Variants in DCC observed in about 807,000 individuals in gnomAD.
DCC encodes the protein netrin receptor DCC.
DCC carries 58 observed loss-of-function variants against 172.5 expected under a neutral mutation model. The ratio of observed to expected loss-of-function variants is 0.34; its 90% CI spans 0.27 to 0.42. The LOEUF (loss-of-function observed/expected upper bound fraction) is 0.42, where lower values mean the gene tolerates loss of function less well. Among genes scored for constraint, DCC ranks in the 10% least tolerant of loss-of-function variants. The pLI is 1.00. For missense variants in DCC, 1,740 were observed against 1,791.0 expected (o/e 0.97, Z 0.51); for synonymous variants, 709 against 644.5 (o/e 1.10, Z -1.52).
At chr18:52,531,361 G>T (rs1217531683) in intron 1 of DCC, among the ~76,000 whole-genome samples, 1 of 152,178 alleles carries the variant, frequency 6.6e-6, no homozygotes. Flanking sequence ...GACTGGAAAA[G>T]GCTGAAGTTC....
At chr18:52,610,382 C>CAAAAAAAAAAAAAA (rs55715009) in intron 1 of DCC, among the ~76,000 whole-genome samples, 18 of 49,966 alleles carry the variant, frequency 3.6e-4, no homozygotes, top group Admixed American at 7.6e-4. Context: ...TCTGTCTCAA[C>CAAAAAAAAAAAAAA]AAAAAAAAAA....
chr18:53,484,255 C>G (rs976317380), intron 25 of DCC, among the ~76,000 whole-genome samples: 2 of 151,878 alleles, frequency 1.3e-5, no homozygotes, highest in African/African-American at 4.8e-5. Context: ...AAGTTATTTA[C>G]TTTCTTGTTT....
intron 7 of DCC, among the ~76,000 whole-genome samples, chr18:53,135,109 G>A (rs1364585765): frequency 1.3e-5 from 2 of 152,078 alleles, no homozygotes; most frequent in Non-Finnish European, 2.9e-5. Flanking sequence ...GATTTTCCAA[G>A]TCTCACTATT....
intron 12 of DCC, among the ~76,000 whole-genome samples, chr18:53,304,211 G>A (rs868392226): frequency 4.6e-5 from 7 of 152,138 alleles, no homozygotes; most frequent in Non-Finnish European, 7.3e-5. Context: ...TGTGAAAACA[G>A]GAATGACTGT....
Position 53,044,454 on chromosome 18 carries a change from T to C in DCC, c.986-18851T>C, listed in dbSNP as rs1033021019. Reference sequence around the variant, plus strand: ...TTGCTGCTGATATATATGAACTGTGTGATGCCGTAGAAATAAGCCATTTAC... The same window carrying C: ...TTGCTGCTGATATATATGAACTGTGCGATGCCGTAGAAATAAGCCATTTAC... On this transcript the variant is annotated intron_variant, in intron 5 of 28. Transcript: ENST00000442544. Among the ~76,000 whole-genome samples the C allele has an allele frequency of 4.0e-5, 6 of 151,892 alleles. No homozygotes were observed. In the East Asian group the frequency reaches 1.2e-3, roughly 30 times the overall value.
At chr18:53,089,380 C>T (rs930512580) in intron 7 of DCC, among the ~76,000 whole-genome samples, 1 of 152,096 alleles carries the variant, frequency 6.6e-6, no homozygotes, top group African/African-American at 2.4e-5. Flanking sequence ...GCCACTGCAC[C>T]CGGCCGTACT....
At chr18:53,454,727 G>A (rs537493754) in intron 23 of DCC, among the ~76,000 whole-genome samples, 72 of 152,198 alleles carry the variant, frequency 4.7e-4, no homozygotes, top group Non-Finnish European at 9.4e-4. Context: ...ATTATTTTTA[G>A]TACTGACGAT....
intron 5 of DCC, among the ~76,000 whole-genome samples, chr18:52,928,553 G>A (rs532650987): frequency 1.4e-4 from 21 of 152,236 alleles, no homozygotes; most frequent in South Asian, 1.0e-3. Context: ...ACACATGTGC[G>A]TGCATATTTA....
At chr18:53,017,520 C>G (rs1289767085) in intron 5 of DCC, among the ~76,000 whole-genome samples, 1 of 152,076 alleles carries the variant, frequency 6.6e-6, no homozygotes, top group South Asian at 2.1e-4. Context: ...TTAATTTCTT[C>G]AATAACCATA....
rs778440973 is a variant in DCC at position 53,207,683 on chromosome 18, T to C, written c.1727T>C (p.Ile576Thr). Residue 576 changes from isoleucine to threonine, a missense_variant, in exon 11 of 29, where the codon ATA becomes ACA. Ile to Thr is a moderately conservative substitution (Grantham distance 89, BLOSUM62 -1). Coordinates refer to ENST00000442544, the MANE Select transcript of DCC (RefSeq NM_005215.4). ...TEVSTGKEQN[I>T]EVDGLSYKLE... Reference sequence around the variant, plus strand: ...TTTGGTGTTTTATGTCTCCAGAATATAGAGGTTGATGGACTATCTTATAAA... The same window carrying C: ...TTTGGTGTTTTATGTCTCCAGAATACAGAGGTTGATGGACTATCTTATAAA... 16 of 1,613,634 alleles carry C rather than the reference T, an allele frequency of 9.9e-6. No homozygotes were observed. Among genetic ancestry groups the C allele is most frequent in the Non-Finnish European group, 1.4e-5 (16 of 1,179,656 alleles).
chr18:53,090,708 A>AAAAAAACAAAAAAAAAAC (rs1230410026), intron 7 of DCC, among the ~76,000 whole-genome samples: 2 of 95,570 alleles, frequency 2.1e-5, no homozygotes, highest in Admixed American at 2.0e-4. Context: ...CAAAAAAAAA[A>AAAAAAACAAAAAAAAAAC]AAAAAAAAAA....
intron 16 of DCC, among the ~76,000 whole-genome samples, chr18:53,391,448 A>G (rs1016827438): frequency 6.6e-6 from 1 of 152,194 alleles, no homozygotes; most frequent in African/African-American, 2.4e-5. Context: ...GAAAATATTC[A>G]ATTACTTTTT....
chr18:53,047,965 TATAATA>T (rs1253679175), intron 5 of DCC, among the ~76,000 whole-genome samples: 2 of 151,612 alleles, frequency 1.3e-5, no homozygotes, highest in African/African-American at 4.8e-5. Context: ...TTTTTAATGT[TATAATA>T]ATATGCCAGC....
chr18:52,770,891 T>A (rs1398391913), intron 2 of DCC, among the ~76,000 whole-genome samples: 1 of 152,212 alleles, frequency 6.6e-6, no homozygotes, highest in East Asian at 1.9e-4. Flanking sequence ...TCATCTTCCT[T>A]CGCCATCCTT....
chr18:53,019,087 G>A (rs1015806227), intron 5 of DCC, among the ~76,000 whole-genome samples: 3 of 152,150 alleles, frequency 2.0e-5, no homozygotes. Flanking sequence ...GCCGCTGACT[G>A]GGGCCAATGC....
intron 1 of DCC, among the ~76,000 whole-genome samples, chr18:52,502,668 T>C (rs552736639): frequency 1.3e-5 from 2 of 151,818 alleles, no homozygotes; most frequent in East Asian, 3.9e-4. Flanking sequence ...TGGTTCCAAT[T>C]TGGAAGCTGA....
intron 15 of DCC, among the ~76,000 whole-genome samples, chr18:53,353,918 C>T (rs772280028): frequency 1.1e-4 from 16 of 152,106 alleles, no homozygotes; most frequent in Non-Finnish European, 1.8e-4. Context: ...ATCCCTCCCC[C>T]GACCTCACGA....
intron 12 of DCC, among the ~76,000 whole-genome samples, chr18:53,297,981 C>T (rs2057087672): frequency 6.6e-6 from 1 of 152,118 alleles, no homozygotes; most frequent in South Asian, 2.1e-4. Flanking sequence ...GGGGGTTTCA[C>T]TCCTGGTGTG....
intron 9 of DCC, among the ~76,000 whole-genome samples, chr18:53,194,037 C>G (rs1166176437): frequency 6.6e-6 from 1 of 152,130 alleles, no homozygotes; most frequent in African/African-American, 2.4e-5. Flanking sequence ...GACCATAATA[C>G]AAGCCAATTT....
Sources: allele counts gnomAD v4.1 joint callset (sites outside exome capture counted in the v4.1 genomes callset), GRCh38; gene constraint gnomAD v4.1.1; transcripts MANE v1.5; gene names NCBI Gene and HGNC (gene_info 2026-07-23, HGNC 2026-07-21).